The following CCT6A variants were observed in gnomAD, a reference collection of about 807,000 sequenced individuals.
CCT6A encodes chaperonin containing TCP1 subunit 6A, also known as T-complex protein 1 subunit zeta.
In CCT6A, 6 loss-of-function variants were observed where a neutral mutation model predicts 58.6. The ratio of observed to expected loss-of-function variants is 0.10; its 90% CI spans 0.06 to 0.20. The LOEUF is 0.20. Ranked by LOEUF, CCT6A falls within the 10% of genes least tolerant of loss-of-function variation. CCT6A has a pLI of 1.00. For missense variants in CCT6A, 516 were observed against 648.8 expected (o/e 0.80, Z 2.22); for synonymous variants, 245 against 227.8 (o/e 1.08, Z -0.68).
chr7:56,059,583 T>G lies in CCT6A; in HGVS notation c.1008T>G (p.Phe336Leu), dbSNP rs368245398. ...GTGGTGGGGTAGCCCTGAATTCTTT[T>G]GACGACCTAAGTCCTGACTGCTTGG... ...LACGGVALNS[F>L]DDLSPDCLGH... Residue 336 changes from phenylalanine (F) to leucine (L), a missense_variant, in exon 9 of 14, where the codon TTT becomes TTG. By Grantham distance (22) the Phe-to-Leu change is conservative. Around this residue, in one of 3 missense-constraint regions of CCT6A, gnomAD observed 315 missense variants for 389.4 expected, o/e 0.81. Coordinates refer to ENST00000275603, the MANE Select transcript of CCT6A (RefSeq NM_001762.4). The G allele has an allele frequency of 3.1e-5, 50 of 1,609,824 alleles. No homozygotes were observed. The highest frequency in any genetic ancestry group is 4.1e-5 in the Non-Finnish European group (48 of 1,176,200).
At chr7:56,061,080 TCA>T in intron 11 of CCT6A, 140 bp downstream of exon 11, 1 of 861,844 alleles carries the variant, frequency 1.2e-6, no homozygotes, top group Non-Finnish European at 1.7e-6. Context: ...CAGGTATTCC[TCA>T]TCATCCAGAT....
intron 4 of CCT6A, 188 bp downstream of exon 4, chr7:56,055,985 ATAAAAG>A (rs1794295834): frequency 1.9e-6 from 1 of 538,358 alleles, no homozygotes. Flanking sequence ...TAACCAGGTT[ATAAAAG>A]TAAAATTGAA....
At chr7:56,055,855 T>C (rs945439678) in intron 4 of CCT6A, 58 bp downstream of exon 4, 38 of 1,269,846 alleles carry the variant, frequency 3.0e-5, no homozygotes, top group Non-Finnish European at 4.3e-5. Context: ...AAATCTCTGA[T>C]AGTAGAAACA....
rs1794519499 is a variant in CCT6A, at chr7:56,063,416, T to A, written c.*331T>A. The A allele has an allele frequency of 1.5e-5, 4 of 274,766 alleles. No individual in the cohort carries two copies. Among genetic ancestry groups the A allele is most frequent in the Middle Eastern group, 1.3e-3 (1 of 778 alleles). The allele number at this position is 274,766 out of a possible 1,614,324, so 17.0% of individuals were successfully genotyped here. On this transcript the variant is annotated 3_prime_UTR_variant, in exon 14 of 14. Transcript: ENST00000275603. ...TCTTGAAAAGCAAATTTTAATGGTT[T>A]AATTTTATGTGGACGTATGTTAAAT...
At chr7:56,060,439 A>G (rs763444281) in intron 10 of CCT6A, 23 bp downstream of exon 10, 22 of 1,611,896 alleles carry the variant, frequency 1.4e-5, no homozygotes, top group Non-Finnish European at 1.7e-5. Context: ...CTGTATTTCA[A>G]TTCTTTTATA....
chr7:56,056,003 C>T (rs950516619), intron 4 of CCT6A: 1 of 526,218 alleles, frequency 1.9e-6, no homozygotes, highest in Non-Finnish European at 3.3e-6. Context: ...AAAATTGAAG[C>T]TTTCATTAAA....
chr7:56,061,752 T>C lies in CCT6A; in HGVS notation c.1353T>C (p.Leu451=). ...ATTAAATTTGTTTACTTTAGGTTCT[T>C]GCTCAGAACTCTGGTTTTGACCTTC... ...ADALLIIPKV[L]AQNSGFDLQE... Residue 451 remains leucine, a synonymous_variant, in exon 12 of 14, where the codon CTT becomes CTC. Coordinates refer to ENST00000275603, the MANE Select transcript of CCT6A (RefSeq NM_001762.4). 2 of 1,561,268 alleles carry C rather than the reference T, an allele frequency of 1.3e-6. No individual in the cohort carries two copies. The highest frequency in any genetic ancestry group is 1.7e-6 in the Non-Finnish European group (2 of 1,144,396).
chr7:56,056,288 C>T (rs767566622), intron 4 of CCT6A, 23 bp from the exon 5 acceptor site: 26 of 1,201,370 alleles, frequency 2.2e-5, no homozygotes, highest in South Asian at 2.1e-4. Context: ...ATTTACTTAA[C>T]GGTTATGCTC....
intron 2 of CCT6A, 71 bp downstream of exon 2, chr7:56,052,556 T>C: frequency 1.6e-6 from 2 of 1,283,870 alleles, no homozygotes; most frequent in Non-Finnish European, 2.3e-6. Context: ...TAGAAAGATT[T>C]GCAGTGTCCA....
chr7:56,060,042 C>T, intron 9 of CCT6A: 1 of 531,902 alleles, frequency 1.9e-6, no homozygotes. Flanking sequence ...AATTCAGGAT[C>T]AGATTTTTGT....
At chr7:56,056,468 A>C in intron 5 of CCT6A, 54 bp downstream of exon 5, 1 of 903,140 alleles carries the variant, frequency 1.1e-6, no homozygotes, top group Non-Finnish European at 1.9e-6. Flanking sequence ...CACACCTGTA[A>C]TCCCAGCACT....
Position 56,056,660 on chromosome 7 carries a change from T to G in CCT6A, c.614+246T>G, listed in dbSNP as rs535277303. ...TAGCTTGAACCTGGGAGGCGGAGGT[T>G]GCAGTGAGCTGAGACCACACCATTG... On this transcript the variant is annotated intron_variant, in intron 5 of 13. Coordinates refer to ENST00000275603, the MANE Select transcript of CCT6A (RefSeq NM_001762.4). Among the ~76,000 whole-genome samples, 9 of 151,618 alleles carry G rather than the reference T, an allele frequency of 5.9e-5. No homozygotes were observed. In the South Asian group the frequency reaches 1.7e-3, roughly 28 times the overall value.
In CCT6A at chr7:56,063,450, TA is replaced by T; in HGVS notation, c.*366del. 9.2e-6 allele frequency: 2 copies of T among 216,788 alleles called. 1 individual carries two copies. Among genetic ancestry groups the T allele is most frequent in the South Asian group, 1.3e-4 (2 of 14,864 alleles). The allele number at this position is 216,788 out of a possible 1,614,324, so 13.4% of individuals were successfully genotyped here. A position where few individuals can be genotyped will look rare whatever the true frequency, so the allele number is the denominator to read the frequency against. ...GTGGACGTATGTTAAATTATCCAAC[TA>T]CCCTATTGTTAAGCATTTGGTTTTA... On this transcript the variant is annotated 3_prime_UTR_variant, in exon 14 of 14. Coordinates refer to ENST00000275603, the MANE Select transcript of CCT6A (RefSeq NM_001762.4).
intron 11 of CCT6A, 43 bp from the exon 12 acceptor site, chr7:56,061,700 CAGTT>C (rs1364705293): frequency 2.5e-5 from 6 of 242,332 alleles, no homozygotes; most frequent in African/African-American, 2.3e-4. Flanking sequence ...TTTTTACTAT[CAGTT>C]ATTAGTTCCT....
At chr7:56,059,054 C>T (rs1179361814) in intron 8 of CCT6A, 2 of 167,546 alleles carry the variant, frequency 1.2e-5, no homozygotes, top group Admixed American at 6.0e-5. Context: ...CTTGCTCTTT[C>T]GTGCAGTGGC....
At chr7:56,055,338 G>A in intron 3 of CCT6A, 2 of 443,678 alleles carry the variant, frequency 4.5e-6, no homozygotes, top group Admixed American at 2.9e-5. Flanking sequence ...GGGACACAGT[G>A]TTGGTTTTGA....
intron 5 of CCT6A, 142 bp downstream of exon 5, chr7:56,056,556 C>T: frequency 1.8e-6 from 1 of 569,112 alleles, no homozygotes; most frequent in South Asian, 2.0e-5. Flanking sequence ...AACCCCGTCT[C>T]TATTAAAATT....
intron 2 of CCT6A, among the ~76,000 whole-genome samples, chr7:56,053,684 G>A (rs1794240929): frequency 6.6e-6 from 1 of 152,144 alleles, no homozygotes; most frequent in Non-Finnish European, 1.5e-5. Flanking sequence ...CTTAAACCTG[G>A]GAGACTGAGG....
chr7:56,063,471 G>T lies in CCT6A; in HGVS notation c.*386G>T. The T allele has an allele frequency of 5.4e-6, 1 of 184,566 alleles. No homozygotes were observed. Among genetic ancestry groups the T allele is most frequent in the Non-Finnish European group, 1.1e-5 (1 of 87,970 alleles). 11.4% of individuals were successfully genotyped at this position (184,566 alleles called of 1,614,324 possible). A position where few individuals can be genotyped will look rare whatever the true frequency, so the allele number is the denominator to read the frequency against. ...CAACTACCCTATTGTTAAGCATTTGGTTTTAAAATTTTTATGCTAATATAA... is the reference window on the plus strand; with the variant it reads ...CAACTACCCTATTGTTAAGCATTTGTTTTTAAAATTTTTATGCTAATATAA... On this transcript the variant is annotated 3_prime_UTR_variant, in exon 14 of 14. Transcript: ENST00000275603.
Sources: gnomAD v4.1 joint callset for allele counts (sites outside exome capture counted in the v4.1 genomes callset) on GRCh38, gnomAD v4.1.1 for gene constraint, gnomAD v4.1.1 regional missense constraint, MANE v1.5 for transcripts, NCBI Gene and HGNC (gene_info 2026-07-23, HGNC 2026-07-21) for gene names.